QKI: variants seen among roughly 807,000 people sequenced by gnomAD.
The protein encoded by QKI is KH domain-containing RNA-binding protein QKI.
QKI carries 10 observed loss-of-function variants against 39.0 expected under a neutral mutation model. The ratio of observed to expected loss-of-function variants is 0.26; its 90% CI spans 0.16 to 0.43. The LOEUF (loss-of-function observed/expected upper bound fraction) is 0.43. QKI is among the 20% of genes least tolerant of loss of function. The probability of loss-of-function intolerance (pLI) is 1.00; values close to 1 mark genes in which losing one functional copy is unlikely to be tolerated. For synonymous variants in QKI, 204 were observed against 155.4 expected, an observed-to-expected ratio of 1.31 and a Z score of -2.33; for missense variants, 218 against 428.0, an observed-to-expected ratio of 0.51 and a Z score of 4.33.
intron 2 of QKI, among the ~76,000 whole-genome samples, chr6:163,477,600 A>C (rs1032704889): frequency 6.6e-6 from 1 of 152,250 alleles, no homozygotes; most frequent in African/African-American, 2.4e-5. Context: ...AGCAGATTTC[A>C]GAATCTAGGA....
chr6:163,468,189 C>T (rs142013625), intron 2 of QKI, among the ~76,000 whole-genome samples: 1 of 152,212 alleles, frequency 6.6e-6, no homozygotes, highest in African/African-American at 2.4e-5. Flanking sequence ...CACTGTGTTG[C>T]TTATGTGATA....
intron 3 of QKI, among the ~76,000 whole-genome samples, chr6:163,518,628 A>G (rs1214673253): frequency 6.6e-6 from 1 of 152,190 alleles, no homozygotes; most frequent in Non-Finnish European, 1.5e-5. Context: ...GGCTGTTGAT[A>G]TTAAAAAATA....
intron 7 of QKI, chr6:163,568,045 A>C (rs896394139): frequency 9.1e-6 from 9 of 985,358 alleles, no homozygotes; most frequent in Non-Finnish European, 9.6e-6. Context: ...TGTTCAGTGA[A>C]CAAAATAGAC....
chr6:163,524,028 C>A (rs1780319620), intron 3 of QKI, among the ~76,000 whole-genome samples: 1 of 152,190 alleles, frequency 6.6e-6, no homozygotes, highest in Non-Finnish European at 1.5e-5. Context: ...TCTTCAATTT[C>A]ATTAAGTTTT....
intron 1 of QKI, chr6:163,415,923 A>T (rs769665340): frequency 3.9e-6 from 2 of 513,416 alleles, no homozygotes; most frequent in Non-Finnish European, 7.8e-6. Flanking sequence ...TAGTTTAAAG[A>T]AATTCCGTAG....
In QKI at chr6:163,568,730, A is replaced by T. The variant is rs528071039; in HGVS notation, c.1009+1935A>T. On this transcript the variant is annotated intron_variant, in intron 7 of 7. Transcript: ENST00000361752. The stretch of plus-strand genomic sequence containing the variant: ...TGGACATATAACCATGTAATTCTAT[A>T]TGAACGTTTAGAGTACTACATGGTT... 5 of 985,420 alleles carry T rather than the reference A, an allele frequency of 5.1e-6. No individual in the cohort carries two copies. The Admixed American group carries it at 3.1e-4, about 61-fold the overall frequency. The allele number at this position is 985,420 out of a possible 1,614,324, so 61.0% of individuals were successfully genotyped here. A position where few individuals can be genotyped will look rare whatever the true frequency, so the allele number is the denominator to read the frequency against.
chr6:163,544,716 G>T (rs1273034499), intron 4 of QKI, among the ~76,000 whole-genome samples: 1 of 151,986 alleles, frequency 6.6e-6, no homozygotes, highest in African/African-American at 2.4e-5. Context: ...AGCCATTAGG[G>T]TACAGTTTCA....
chr6:163,541,043 A>G (rs1017066880), intron 4 of QKI, among the ~76,000 whole-genome samples: 1 of 151,628 alleles, frequency 6.6e-6, no homozygotes, highest in Admixed American at 6.6e-5. Flanking sequence ...TTACTTGGGG[A>G]CATTTTAAAG....
At chr6:163,564,297 G>T in intron 6 of QKI, 1 of 998,566 alleles carries the variant, frequency 1.0e-6, no homozygotes, top group Non-Finnish European at 1.2e-6. Flanking sequence ...GTACATCATA[G>T]AGTGTACTTA....
chr6:163,548,927 G>T (rs1219537838), intron 4 of QKI, among the ~76,000 whole-genome samples: 2 of 152,204 alleles, frequency 1.3e-5, no homozygotes, highest in Non-Finnish European at 2.9e-5. Flanking sequence ...GTGGTGAATG[G>T]TGATTGACTA....
chr6:163,470,254 C>G (rs897202288), intron 2 of QKI, among the ~76,000 whole-genome samples: 2 of 152,036 alleles, frequency 1.3e-5, no homozygotes, highest in Admixed American at 1.3e-4. Context: ...ACCTCCCTTG[C>G]CATGCCCAGC....
intron 1 of QKI, among the ~76,000 whole-genome samples, chr6:163,445,651 G>A (rs1001412709): frequency 3.5e-4 from 49 of 141,646 alleles, no homozygotes; most frequent in African/African-American, 1.2e-3. Flanking sequence ...GTCTTGCTCC[G>A]TTGCCCAGGC....
chr6:163,435,083 A>C (rs1041051900), intron 1 of QKI, among the ~76,000 whole-genome samples: 2 of 152,228 alleles, frequency 1.3e-5, no homozygotes, highest in African/African-American at 4.8e-5. Flanking sequence ...TTTTTATCTC[A>C]CAGTGAATTC....
chr6:163,523,317 C>CT (rs2128238186), intron 3 of QKI, among the ~76,000 whole-genome samples: 1 of 152,238 alleles, frequency 6.6e-6, no homozygotes, highest in Non-Finnish European at 1.5e-5. Flanking sequence ...ATGTGGAATG[C>CT]ACGAGAAAGC....
chr6:163,523,447 A>G (rs1780281832), intron 3 of QKI, among the ~76,000 whole-genome samples: 1 of 152,210 alleles, frequency 6.6e-6, no homozygotes, highest in Admixed American at 6.5e-5. Context: ...AGTGCTTACT[A>G]TATGCAAAAC....
chr6:163,545,605 A>T (rs1426026792), intron 4 of QKI, among the ~76,000 whole-genome samples: 3 of 152,100 alleles, frequency 2.0e-5, no homozygotes, highest in African/African-American at 7.2e-5. Context: ...TTGGTGATAA[A>T]AAAATATGTC....
chr6:163,417,737 TG>T (rs1787643823), intron 1 of QKI, among the ~76,000 whole-genome samples: 1 of 152,218 alleles, frequency 6.6e-6, no homozygotes, highest in African/African-American at 2.4e-5. Context: ...TCTCTTGTCT[TG>T]CTATCTTTAG....
At chr6:163,511,007 A>G (rs1283431224) in intron 3 of QKI, among the ~76,000 whole-genome samples, 2 of 152,176 alleles carry the variant, frequency 1.3e-5, no homozygotes, top group Non-Finnish European at 2.9e-5. Flanking sequence ...ACATTCACCA[A>G]AACAGAGCAT....
chr6:163,418,447 G>A (rs1016347575), intron 1 of QKI, among the ~76,000 whole-genome samples: 1 of 152,014 alleles, frequency 6.6e-6, no homozygotes, highest in Non-Finnish European at 1.5e-5. Context: ...TCTTGACTGT[G>A]GACAGTCCTT....
Sources: allele counts gnomAD v4.1 joint callset (sites outside exome capture counted in the v4.1 genomes callset), GRCh38; gene constraint gnomAD v4.1.1; transcripts MANE v1.5; gene names NCBI Gene and HGNC (gene_info 2026-07-23, HGNC 2026-07-21).